ARMH3: variants seen among roughly 807,000 people sequenced by gnomAD.
The protein encoded by ARMH3 is armadillo-like helical domain-containing protein 3.
A neutral mutation model predicts 99.1 loss-of-function variants in ARMH3; 60 were observed. The observed-to-expected ratio is 0.61, with a 90% CI of 0.49 to 0.75. ARMH3 has a LOEUF of 0.75. Among genes scored for constraint, ARMH3 ranks in the 30% least tolerant of loss-of-function variants. ARMH3 has a pLI of 0.00. For synonymous variants in ARMH3, 285 were observed against 292.8 expected, an observed-to-expected ratio of 0.97 and a Z score of 0.27; for missense variants, 679 against 843.1, an observed-to-expected ratio of 0.81 and a Z score of 2.41.
Position 101,926,777 on chromosome 10 carries a change from G to A in ARMH3, c.1781+13086C>T, listed in dbSNP as rs146606628. ...GAAAAAAATTAACCTTTTCTCAGGT[G>A]AAAACAAAATTTTTTTTCCTACCTT... On this transcript the variant is annotated intron_variant, in intron 23 of 25. Transcript: ENST00000370033. Among the ~76,000 whole-genome samples, 35 of 152,212 alleles carry A rather than the reference G, an allele frequency of 2.3e-4. No homozygotes were observed. The East Asian group carries it at 6.2e-3, about 27-fold the overall frequency.
At chr10:101,977,987 C>A (rs981955431) in intron 19 of ARMH3, among the ~76,000 whole-genome samples, 1 of 152,192 alleles carries the variant, frequency 6.6e-6, no homozygotes, top group Non-Finnish European at 1.5e-5. Flanking sequence ...CAGACTAAGA[C>A]AACCTCTAAC....
chr10:102,036,939 C>A (rs2067292002), intron 2 of ARMH3, among the ~76,000 whole-genome samples: 1 of 150,922 alleles, frequency 6.6e-6, no homozygotes, highest in Non-Finnish European at 1.5e-5. Context: ...ATAATCCCAG[C>A]TACTTGGGAG....
chr10:101,895,994 A>G (rs1407014347), intron 23 of ARMH3, among the ~76,000 whole-genome samples: 1 of 152,222 alleles, frequency 6.6e-6, no homozygotes. Context: ...GGCTGGGCAC[A>G]GTGACTCATG....
At chr10:102,021,864 T>A (rs1403104235) in intron 8 of ARMH3, among the ~76,000 whole-genome samples, 1 of 151,548 alleles carries the variant, frequency 6.6e-6, no homozygotes, top group African/African-American at 2.4e-5. Context: ...AATTTTTAAA[T>A]TTTTTTTTGT....
At chr10:101,990,819 T>C (rs571548498) in intron 18 of ARMH3, among the ~76,000 whole-genome samples, 1 of 152,324 alleles carries the variant, frequency 6.6e-6, no homozygotes, top group Non-Finnish European at 1.5e-5. Context: ...AAGAAATTAT[T>C]TCACTTGCTG....
At chr10:101,853,880 C>G (rs1247496578) in intron 24 of ARMH3, among the ~76,000 whole-genome samples, 1 of 152,110 alleles carries the variant, frequency 6.6e-6, no homozygotes, top group Admixed American at 6.6e-5. Flanking sequence ...TTTGGGAGGT[C>G]GAGGCGGATG....
chr10:101,967,859 G>A (rs1340544488), intron 20 of ARMH3, among the ~76,000 whole-genome samples: 2 of 152,214 alleles, frequency 1.3e-5, no homozygotes, highest in African/African-American at 4.8e-5. Context: ...AAATGAAATG[G>A]CTCTGGCTGT....
At chr10:101,956,814 G>T (rs1305190678) in intron 21 of ARMH3, 91 bp from the exon 22 acceptor site, 2 of 1,306,600 alleles carry the variant, frequency 1.5e-6, no homozygotes, top group Non-Finnish European at 1.0e-6. Flanking sequence ...TTACTGTCTT[G>T]CAAGAGTTGA....
intron 22 of ARMH3, among the ~76,000 whole-genome samples, chr10:101,940,387 A>G (rs1046960925): frequency 2.0e-5 from 3 of 151,884 alleles, no homozygotes; most frequent in Non-Finnish European, 2.9e-5. Context: ...ACTCCTTAAC[A>G]TATAAACTCA....
At chr10:102,029,476 A>G (rs1364763103) in intron 5 of ARMH3, 162 bp downstream of exon 5, 4 of 1,553,892 alleles carry the variant, frequency 2.6e-6, no homozygotes, top group Middle Eastern at 1.7e-4. Flanking sequence ...CTTTATTCAG[A>G]TAAAGCAAAT....
At chr10:102,020,293 G>C (rs1282100777) in intron 8 of ARMH3, among the ~76,000 whole-genome samples, 2 of 145,786 alleles carry the variant, frequency 1.4e-5, no homozygotes, top group African/African-American at 2.5e-5. Context: ...CCAGAACTTT[G>C]GGAGGCCAAG....
intron 23 of ARMH3, among the ~76,000 whole-genome samples, chr10:101,892,617 A>T (rs1283565899): frequency 2.6e-5 from 4 of 151,196 alleles, no homozygotes; most frequent in Non-Finnish European, 5.9e-5. Flanking sequence ...CCAAAAACTT[A>T]AAAAAAAATA....
At chr10:102,000,795 T>C (rs9664207) in intron 15 of ARMH3, among the ~76,000 whole-genome samples, 28,685 of 149,746 alleles carry the variant, frequency 0.19, 3,124 homozygotes, top group East Asian at 0.51. Context: ...TAAAAAGTTC[T>C]AGAGATGGAT....
intron 24 of ARMH3, among the ~76,000 whole-genome samples, chr10:101,871,451 C>G (rs1166451172): frequency 6.6e-6 from 1 of 152,114 alleles, no homozygotes; most frequent in African/African-American, 2.4e-5. Flanking sequence ...ACATGGTAGA[C>G]CATAAATTTA....
chr10:102,025,737 A>C (rs1457588055), intron 5 of ARMH3, among the ~76,000 whole-genome samples: 1 of 152,104 alleles, frequency 6.6e-6, no homozygotes, highest in Non-Finnish European at 1.5e-5. Context: ...GCAACCTCAA[A>C]CTGCTGGGAT....
Position 102,040,109 on chromosome 10 carries a change from T to C in ARMH3, c.6A>G (p.Ala2=). ...GCAAACCTCCACGTTTCTCTACCTG[T>C]GCCATGGTTAGAGAATCTGTGAACA... M[A]QVEKRGGLLR... The change falls in exon 2 of 26, where the codon GCA becomes GCG. Residue 2 remains alanine (A), a synonymous_variant. Transcript: ENST00000370033. The C allele has an allele frequency of 6.2e-7, 1 of 1,614,012 alleles. No homozygotes were observed. Among genetic ancestry groups the C allele is most frequent in the Non-Finnish European group, 8.5e-7 (1 of 1,179,866 alleles).
intron 24 of ARMH3, among the ~76,000 whole-genome samples, chr10:101,881,641 T>A (rs1255289123): frequency 1.3e-5 from 2 of 152,132 alleles, no homozygotes; most frequent in African/African-American, 2.4e-5. Flanking sequence ...ACCAGGCCCC[T>A]AATAAATGCT....
chr10:102,043,505 A>T (rs777377843), intron 1 of ARMH3, among the ~76,000 whole-genome samples: 1 of 152,266 alleles, frequency 6.6e-6, no homozygotes, highest in African/African-American at 2.4e-5. Context: ...AGACAGACAC[A>T]TAACAACCCA....
At position 102,033,141 on chromosome 10, in the gene ARMH3, T is replaced by A. The variant is rs1213017929; in HGVS notation, c.191A>T (p.Glu64Val). The change falls in exon 4 of 26, where the codon GAA (glutamate) becomes GTA (valine). Residue 64 changes from glutamate (E) to valine (V), a missense_variant. Physicochemically the swap from Glu to Val is moderately radical, Grantham distance 121. Transcript: ENST00000370033. ...CATTAACTCCTCACCATCAAGAGATTCCAGCTTGCCTTCTAGGTACTCTAA... is the reference window on the plus strand; with the variant it reads ...CATTAACTCCTCACCATCAAGAGATACCAGCTTGCCTTCTAGGTACTCTAA... ...VNLEYLEGKL[E>V]SLDGEELMKI... 4.3e-6 allele frequency: 7 copies of A among 1,614,090 alleles called. No individual in the cohort carries two copies. In the East Asian group the frequency reaches 6.7e-5, roughly 15 times the overall value.
Sources: allele counts gnomAD v4.1 joint callset (sites outside exome capture counted in the v4.1 genomes callset), GRCh38; gene constraint gnomAD v4.1.1; transcripts MANE v1.5; gene names NCBI Gene and HGNC (gene_info 2026-07-23, HGNC 2026-07-21).